Variants in ANKRD28 observed in about 807,000 individuals in gnomAD.
The protein encoded by ANKRD28 is serine/threonine-protein phosphatase 6 regulatory ankyrin repeat subunit A.
A neutral mutation model predicts 126.5 loss-of-function variants in ANKRD28; 44 were observed. The ratio of observed to expected loss-of-function variants is 0.35; its 90% CI spans 0.27 to 0.45. The LOEUF is 0.45. Among genes scored for constraint, ANKRD28 ranks in the 20% least tolerant of loss-of-function variants. The probability of loss-of-function intolerance (pLI) is 1.00; values close to 1 mark genes in which losing one functional copy is unlikely to be tolerated. For missense variants in ANKRD28, 1,110 were observed against 1,316.6 expected, an observed-to-expected ratio of 0.84 and a Z score of 2.43; for synonymous variants, 442 against 468.5, an observed-to-expected ratio of 0.94 and a Z score of 0.73.
rs1485038863 is a variant in ANKRD28 at position 15,814,444 on chromosome 3, TA to T, written c.28-19139del. 4 of 314,616 alleles carry T rather than the reference TA, an allele frequency of 1.3e-5. No individual in the cohort carries two copies. Among genetic ancestry groups the T allele is most frequent in the Middle Eastern group, 4.4e-4 (1 of 2,262 alleles). The allele number at this position is 314,616 out of a possible 1,614,324, so 19.5% of individuals were successfully genotyped here. On this transcript the variant is annotated intron_variant, in intron 1 of 27. Transcript: ENST00000399451. The surrounding 1 kb of genome is among the most constrained non-coding windows in gnomAD (Gnocchi z 4.7). ...ATATTCAAAAACTTACTTTGGATTTTATTAATTCAGAATTTACTTTTATCCT... is the reference window on the plus strand; with the variant it reads ...ATATTCAAAAACTTACTTTGGATTTTTTAATTCAGAATTTACTTTTATCCT...
At chr3:15,728,157 T>C (rs1478172845) in intron 6 of ANKRD28, among the ~76,000 whole-genome samples, 1 of 152,238 alleles carries the variant, frequency 6.6e-6, no homozygotes, top group Non-Finnish European at 1.5e-5. Context: ...GTTAGCATTT[T>C]TTTTTAGCAA....
At chr3:15,754,730 C>T (rs2058063416) in intron 3 of ANKRD28, among the ~76,000 whole-genome samples, 1 of 152,040 alleles carries the variant, frequency 6.6e-6, no homozygotes, top group Non-Finnish European at 1.5e-5. Context: ...AGAGGGGGTG[C>T]TTATACGTTT....
intron 1 of ANKRD28, among the ~76,000 whole-genome samples, chr3:15,818,551 T>A (rs899118865): frequency 2.6e-5 from 4 of 152,228 alleles, no homozygotes; most frequent in Admixed American, 6.5e-5. Context: ...ATACTCAACC[T>A]GTACATACAT....
chr3:15,718,200 T>C (rs1340357952), intron 8 of ANKRD28, among the ~76,000 whole-genome samples: 1 of 152,180 alleles, frequency 6.6e-6, no homozygotes, highest in Non-Finnish European at 1.5e-5. Context: ...GAAATCAACA[T>C]GGGAAATGTG....
chr3:15,844,401 T>C (rs1387148053), intron 1 of ANKRD28, among the ~76,000 whole-genome samples: 2 of 151,598 alleles, frequency 1.3e-5, no homozygotes, highest in South Asian at 2.1e-4. Flanking sequence ...AGATTCACTG[T>C]AGGTAAAGAA....
At chr3:15,675,807 C>T in intron 27 of ANKRD28, 91 bp downstream of exon 27, 16 of 1,114,600 alleles carry the variant, frequency 1.4e-5, no homozygotes, top group Non-Finnish European at 1.9e-5. Flanking sequence ...CCTCTTTGAC[C>T]AATAAAAAAT....
intron 1 of ANKRD28, among the ~76,000 whole-genome samples, chr3:15,811,446 T>C (rs1035416644): frequency 5.9e-5 from 9 of 152,124 alleles, no homozygotes; most frequent in African/African-American, 2.2e-4. Context: ...GACAAAATAA[T>C]TACCAGGGAC....
intron 1 of ANKRD28, chr3:15,859,301 C>T: frequency 1.3e-6 from 2 of 1,502,680 alleles, no homozygotes; most frequent in Non-Finnish European, 1.8e-6. Flanking sequence ...GGCGTCCCAG[C>T]GGCCCACACC....
chr3:15,722,819 A>G (rs1255589168), intron 7 of ANKRD28, among the ~76,000 whole-genome samples: 1 of 152,212 alleles, frequency 6.6e-6, no homozygotes, highest in Non-Finnish European at 1.5e-5. Context: ...CAGAGCCTCC[A>G]TAAGGAACCA....
intron 27 of ANKRD28, among the ~76,000 whole-genome samples, chr3:15,670,911 A>T (rs2066270275): frequency 6.6e-6 from 1 of 152,204 alleles, no homozygotes; most frequent in Non-Finnish European, 1.5e-5. Flanking sequence ...TGGTAGGCAG[A>T]GATTTACTGT....
chr3:15,831,596 T>C (rs2061191699), intron 1 of ANKRD28, among the ~76,000 whole-genome samples: 2 of 152,172 alleles, frequency 1.3e-5, no homozygotes, highest in South Asian at 2.1e-4. Context: ...CCCTCAATAT[T>C]GAAAATCACT....
chr3:15,709,978 G>A (rs1575304855), intron 12 of ANKRD28, among the ~76,000 whole-genome samples: 1 of 151,744 alleles, frequency 6.6e-6, no homozygotes, highest in East Asian at 1.9e-4. Context: ...TGTTTAAAAG[G>A]AAGATCACAT....
intron 1 of ANKRD28, among the ~76,000 whole-genome samples, chr3:15,822,185 A>G (rs1314993463): frequency 1.3e-5 from 2 of 152,352 alleles, no homozygotes; most frequent in South Asian, 2.1e-4. Context: ...CTGCGCAAGT[A>G]AAAAGTGAAG....
chr3:15,859,580 CCCGCCGCCGCCG>C lies in ANKRD28; in HGVS notation c.-189_-178del, dbSNP rs564654804. 152 of 228,818 alleles carry C rather than the reference CCCGCCGCCGCCG, an allele frequency of 6.6e-4. 9 individuals carry two copies. The Middle Eastern group carries it at 0.017, about 25-fold the overall frequency. The allele number at this position is 228,818 out of a possible 1,614,324, so 14.2% of individuals were successfully genotyped here. ...GGGGGCGGCGCCGCCTCCCCGGCCG[CCCGCCGCCGCCG>C]CCGCCGCCGCCGCCGCCGAGAGGTG... On this transcript the variant is annotated 5_prime_UTR_variant, in exon 1 of 28. Transcript: ENST00000399451.
At chr3:15,765,390 C>A (rs2058689459) in intron 3 of ANKRD28, among the ~76,000 whole-genome samples, 1 of 152,136 alleles carries the variant, frequency 6.6e-6, no homozygotes, top group Non-Finnish European at 1.5e-5. Flanking sequence ...ACACAGAAAT[C>A]TTACTGGCAT....
chr3:15,808,168 G>A (rs1267474994), intron 1 of ANKRD28, among the ~76,000 whole-genome samples: 4 of 152,336 alleles, frequency 2.6e-5, no homozygotes, highest in East Asian at 1.9e-4. Context: ...AGACACCTAA[G>A]AGAAGTTAAA....
At chr3:15,819,065 C>T (rs1195210008) in intron 1 of ANKRD28, among the ~76,000 whole-genome samples, 1 of 152,066 alleles carries the variant, frequency 6.6e-6, no homozygotes, top group African/African-American at 2.4e-5. Flanking sequence ...ACTGCTTGAG[C>T]CCAAGAGTTC....
At chr3:15,670,691 C>A (rs1046615109) in intron 27 of ANKRD28, 135 bp from the exon 28 acceptor site, 7 of 919,638 alleles carry the variant, frequency 7.6e-6, no homozygotes, top group Non-Finnish European at 9.5e-6. Context: ...CTGTAACCAG[C>A]ATGATTCGCA....
chr3:15,754,711 A>G (rs746240045), intron 3 of ANKRD28, among the ~76,000 whole-genome samples: 8 of 152,176 alleles, frequency 5.3e-5, no homozygotes, highest in Non-Finnish European at 1.0e-4. Context: ...GAATGCTAAG[A>G]TATTAATGAG....
Sources: gnomAD v4.1 joint callset for allele counts (sites outside exome capture counted in the v4.1 genomes callset) on GRCh38, gnomAD v4.1.1 for gene constraint, Gnocchi (gnomAD v3.1) non-coding constraint, MANE v1.5 for transcripts, NCBI Gene and HGNC (gene_info 2026-07-23, HGNC 2026-07-21) for gene names.